Variants in RASSF3 observed in about 807,000 individuals in gnomAD.
RASSF3 encodes the protein Ras association domain family member 3, also known as ras association domain-containing protein 3.
A neutral mutation model predicts 19.9 loss-of-function variants in RASSF3; 19 were observed. That is an observed-to-expected ratio of 0.96 (90% CI 0.67 to 1.40). RASSF3 has a LOEUF of 1.40. RASSF3 is among the 40% of genes most tolerant of loss of function. The probability of loss-of-function intolerance (pLI) is 0.00; values close to 1 mark genes in which losing one functional copy is unlikely to be tolerated. For missense variants in RASSF3, 306 were observed against 289.8 expected (o/e 1.06, Z -0.41); for synonymous variants, 110 against 104.2 (o/e 1.06, Z -0.34).
Position 64,688,140 on chromosome 12 carries a change from G to A in RASSF3, c.220-76G>A, listed in dbSNP as rs924024958. 2.9e-5 allele frequency: 29 copies of A among 989,086 alleles called. 1 individual carries two copies. Among genetic ancestry groups the A allele is most frequent in the Admixed American group, 5.3e-5 (3 of 56,574 alleles). The allele number at this position is 989,086 out of a possible 1,614,324, so 61.3% of individuals were successfully genotyped here. On this transcript the variant is annotated intron_variant, in intron 2 of 4. Transcript: ENST00000542104. ...GAACAAAGGAGTGTTTCACCTTCCC[G>A]TTTTGTTTTGATATGCTTCTTCCCT... is the stretch of plus-strand genomic sequence containing the variant.
chr12:64,512,110 G>A (rs754543390), intron 1 of RASSF3, among the ~76,000 whole-genome samples: 26 of 152,308 alleles, frequency 1.7e-4, no homozygotes, highest in Non-Finnish European at 2.6e-4. Context: ...GCTTTCTCAA[G>A]GACACCTATG....
chr12:64,657,653 A>G (rs1311326827), intron 1 of RASSF3, among the ~76,000 whole-genome samples: 1 of 152,212 alleles, frequency 6.6e-6, no homozygotes, highest in African/African-American at 2.4e-5. Flanking sequence ...TCCTTCCACC[A>G]GTCACCCATG....
At chr12:64,626,496 A>AAAG (rs1555213012) in intron 1 of RASSF3, among the ~76,000 whole-genome samples, 6 of 151,824 alleles carry the variant, frequency 4.0e-5, no homozygotes, top group African/African-American at 1.4e-4. Flanking sequence ...CTCAAAAAAA[A>AAAG]AAAAAAAAAG....
intron 1 of RASSF3, 123 bp from the exon 2 acceptor site, chr12:64,684,664 C>T: frequency 4.7e-6 from 3 of 635,356 alleles, no homozygotes; most frequent in Non-Finnish European, 8.5e-6. Context: ...CTCCCAACCT[C>T]AGGTGATCCG....
chr12:64,681,953 C>T (rs540739221), intron 1 of RASSF3, among the ~76,000 whole-genome samples: 2 of 152,232 alleles, frequency 1.3e-5, no homozygotes, highest in East Asian at 1.9e-4. Context: ...TGCAGTGAGC[C>T]GTGATCACGC....
chr12:64,573,463 C>G lies in RASSF3; in HGVS notation c.294+31758C>G, dbSNP rs192395406. On this transcript the variant is annotated intron_variant, in intron 2 of 5. Coordinates refer to the RASSF3 transcript ENST00000637125. Reference sequence around the variant, plus strand: ...AATAGATCATATTATCCCCATTTAACAAATATGAAAAGGCAAACTCAGAGG... The same window carrying G: ...AATAGATCATATTATCCCCATTTAAGAAATATGAAAAGGCAAACTCAGAGG... Among the ~76,000 whole-genome samples, 7 of 152,298 alleles carry G rather than the reference C, an allele frequency of 4.6e-5. No individual in the cohort carries two copies. The East Asian group carries it at 1.3e-3, about 29-fold the overall frequency.
intron 1 of RASSF3, among the ~76,000 whole-genome samples, chr12:64,631,826 C>T (rs375756153): frequency 3.3e-5 from 5 of 152,094 alleles, no homozygotes; most frequent in East Asian, 1.9e-4. Context: ...CCGCCCACCT[C>T]GGCCTCCCAA....
At chr12:64,543,732 C>G (rs1868998255), downstream of RASSF3, among the ~76,000 whole-genome samples, 1 of 151,332 alleles carries the variant, frequency 6.6e-6, no homozygotes, top group Admixed American at 6.6e-5. Flanking sequence ...CTAGTGAGGA[C>G]TTGGAGAACC....
chr12:64,508,784 A>T (rs898478811), intron 1 of RASSF3, among the ~76,000 whole-genome samples: 8 of 152,108 alleles, frequency 5.3e-5, no homozygotes, highest in South Asian at 2.1e-4. Flanking sequence ...CTCGGGAGGC[A>T]GAAGCAGGAG....
chr12:64,622,554 C>T lies in RASSF3; in HGVS notation c.111+11811C>T, dbSNP rs750959106. 5.8e-6 allele frequency: 3 copies of T among 517,316 alleles called. No individual in the cohort carries two copies. The African/African-American group carries it at 5.9e-5, about 10-fold the overall frequency. 32.0% of individuals were successfully genotyped at this position (517,316 alleles called of 1,614,324 possible). ...GTGCAAAAGTAATTGCGGTTTTTGC[C>T]ATTACTTTCAGTAGCAAAAATCTCA... is the stretch of plus-strand genomic sequence containing the variant. On this transcript the variant is annotated intron_variant, in intron 1 of 4. Transcript: ENST00000542104.
At chr12:64,672,764 C>T (rs77906229) in intron 1 of RASSF3, among the ~76,000 whole-genome samples, 9,724 of 152,256 alleles carry the variant, frequency 0.064, 376 homozygotes, top group Non-Finnish European at 0.09. Flanking sequence ...CGATCCTCCT[C>T]CCTCCGCCTT....
At chr12:64,693,279 A>G (rs1868311144) in intron 4 of RASSF3, among the ~76,000 whole-genome samples, 1 of 151,258 alleles carries the variant, frequency 6.6e-6, no homozygotes, top group Non-Finnish European at 1.5e-5. Flanking sequence ...TTTTCTCTAC[A>G]CCATCAGACA....
At chr12:64,662,152 C>T (rs1872389926) in intron 1 of RASSF3, among the ~76,000 whole-genome samples, 1 of 151,722 alleles carries the variant, frequency 6.6e-6, no homozygotes, top group South Asian at 2.1e-4. Flanking sequence ...GGTGTGGTGG[C>T]TAACACCTGT....
rs1408617874 is a variant in RASSF3, at chr12:64,510,026, G to T, written c.169+2697G>T. Reference sequence around the variant, plus strand: ...TGCTTGAAACTGGGAGGCAGAGGTTGCAGTGAGCTGAGATCGCACCACTAC... The same window carrying T: ...TGCTTGAAACTGGGAGGCAGAGGTTTCAGTGAGCTGAGATCGCACCACTAC... On this transcript the variant is annotated intron_variant, in intron 1 of 5. Transcript: ENST00000637125. 2.0e-5 allele frequency among the ~76,000 whole-genome samples: 3 copies of T among 151,344 alleles called. No individual in the cohort carries two copies. In the South Asian group the frequency reaches 6.3e-4, roughly 32 times the overall value.
upstream of RASSF3, among the ~76,000 whole-genome samples, chr12:64,608,278 A>G (rs1870228568): frequency 6.6e-6 from 1 of 152,148 alleles, no homozygotes; most frequent in Non-Finnish European, 1.5e-5. Flanking sequence ...TAAAAATAAT[A>G]CAATGAAAAA....
intron 1 of RASSF3, among the ~76,000 whole-genome samples, chr12:64,643,264 G>C (rs1409734795): frequency 1.3e-5 from 2 of 152,134 alleles, no homozygotes; most frequent in Non-Finnish European, 2.9e-5. Flanking sequence ...AAAATGCTTA[G>C]AACATGTCTG....
At chr12:64,555,178 A>C (rs954477445) in intron 2 of RASSF3, among the ~76,000 whole-genome samples, 1 of 151,800 alleles carries the variant, frequency 6.6e-6, no homozygotes, top group Admixed American at 6.6e-5. Context: ...CGGGAGATGG[A>C]GGTTACAGTG....
chr12:64,552,038 G>T (rs569116897), intron 2 of RASSF3, among the ~76,000 whole-genome samples: 1 of 152,290 alleles, frequency 6.6e-6, no homozygotes, highest in East Asian at 1.9e-4. Context: ...CAGAAACAAT[G>T]CAGTCACACC....
intron 1 of RASSF3, among the ~76,000 whole-genome samples, chr12:64,648,131 G>T (rs1477919405): frequency 2.0e-5 from 3 of 152,200 alleles, no homozygotes; most frequent in African/African-American, 7.2e-5. Context: ...GATAGAATTT[G>T]TGCCTCAAAT....
Sources: allele counts gnomAD v4.1 joint callset (sites outside exome capture counted in the v4.1 genomes callset), GRCh38; gene constraint gnomAD v4.1.1; transcripts MANE v1.5; gene names NCBI Gene and HGNC (gene_info 2026-07-23, HGNC 2026-07-21).